The following PTPN14 variants were observed in gnomAD, a reference collection of about 807,000 sequenced individuals.
PTPN14 encodes protein tyrosine phosphatase non-receptor type 14, also known as tyrosine-protein phosphatase non-receptor type 14.
Under a neutral mutation model 126.8 loss-of-function variants are expected in PTPN14, and 53 were observed. The ratio of observed to expected loss-of-function variants is 0.42; its 90% CI spans 0.34 to 0.53. The LOEUF (loss-of-function observed/expected upper bound fraction) is 0.53. PTPN14 is among the 20% of genes least tolerant of loss of function. The probability of loss-of-function intolerance (pLI) is 0.08; values close to 1 mark genes in which losing one functional copy is unlikely to be tolerated. For synonymous variants in PTPN14, 630 were observed against 599.3 expected (o/e 1.05, Z -0.75); for missense variants, 1,257 against 1,552.9 (o/e 0.81, Z 3.20).
chr1:214,373,754 C>T (rs1658276841), intron 15 of PTPN14, among the ~76,000 whole-genome samples: 1 of 152,014 alleles, frequency 6.6e-6, no homozygotes, highest in Non-Finnish European at 1.5e-5. Context: ...CTATCTTTCT[C>T]CTGTGGATCT....
intron 2 of PTPN14, among the ~76,000 whole-genome samples, chr1:214,463,595 G>C (rs1306299482): frequency 6.6e-6 from 1 of 152,182 alleles, no homozygotes; most frequent in East Asian, 1.9e-4. Flanking sequence ...GCAGGAAAGG[G>C]GAGAGGAAGA....
rs183383150 is a variant in PTPN14, at chr1:214,400,307, G to A, written c.669+1378C>T. ...ATCCTTGAGTCACCAGGAATCATGC[G>A]GTCTATAGGTGGTCACCTTAGATAT... On this transcript the variant is annotated intron_variant, in intron 7 of 18. Coordinates refer to ENST00000366956, the MANE Select transcript of PTPN14 (RefSeq NM_005401.5). Among the ~76,000 whole-genome samples the A allele has an allele frequency of 1.4e-3, 213 of 152,256 alleles. 1 individual carries two copies. The highest frequency in any genetic ancestry group is 2.2e-3 in the Non-Finnish European group (152 of 68,024).
At chr1:214,490,909 GAAGGGAAGGAAAGAAAGGAA>G (rs1661224900) in intron 1 of PTPN14, among the ~76,000 whole-genome samples, 1 of 15,292 alleles carries the variant, frequency 6.5e-5, no homozygotes, top group East Asian at 9.1e-4. Context: ...GAAGGGGAAG[GAAGGGAAGGAAAGAAAGGAA>G]GGAAAGAAAG....
intron 1 of PTPN14, among the ~76,000 whole-genome samples, chr1:214,485,265 C>A (rs1466984603): frequency 6.6e-6 from 1 of 152,122 alleles, no homozygotes; most frequent in Non-Finnish European, 1.5e-5. Context: ...TATAAGTGAG[C>A]CTCGTATCTC....
At chr1:214,547,480 C>T (rs1340469252) in intron 1 of PTPN14, among the ~76,000 whole-genome samples, 5 of 152,156 alleles carry the variant, frequency 3.3e-5, no homozygotes, top group Non-Finnish European at 4.4e-5. Context: ...TATGATTTAA[C>T]GTTTGTCAAA....
At chr1:214,503,984 A>T (rs1654769584) in intron 1 of PTPN14, among the ~76,000 whole-genome samples, 1 of 152,150 alleles carries the variant, frequency 6.6e-6, no homozygotes, top group South Asian at 2.1e-4. Context: ...AGTGTGAGAA[A>T]TAGTCAGGAA....
chr1:214,400,829 CA>C (rs1658997546), intron 7 of PTPN14, among the ~76,000 whole-genome samples: 1 of 152,124 alleles, frequency 6.6e-6, no homozygotes, highest in Admixed American at 6.5e-5. Context: ...AAGCTGCGGC[CA>C]CCCTGCTCGA....
chr1:214,392,194 A>G (rs111850497), intron 10 of PTPN14, among the ~76,000 whole-genome samples: 1 of 151,250 alleles, frequency 6.6e-6, no homozygotes, highest in African/African-American at 2.4e-5. Context: ...GAGAGAGAGA[A>G]AGAGAGAGAG....
chr1:214,533,954 A>G (rs950678189), intron 1 of PTPN14, among the ~76,000 whole-genome samples: 1 of 152,158 alleles, frequency 6.6e-6, no homozygotes, highest in Non-Finnish European at 1.5e-5. Context: ...GTATTTTTTA[A>G]TGACTTTCAA....
intron 1 of PTPN14, among the ~76,000 whole-genome samples, chr1:214,466,574 G>A (rs539413789): frequency 1.6e-4 from 25 of 152,192 alleles, no homozygotes; most frequent in Non-Finnish European, 3.4e-4. Context: ...TCCACCCTGA[G>A]CCAGCAATCT....
chr1:214,512,042 C>G (rs1654986516), intron 1 of PTPN14, among the ~76,000 whole-genome samples: 1 of 152,046 alleles, frequency 6.6e-6, no homozygotes, highest in Non-Finnish European at 1.5e-5. Flanking sequence ...TCTCCCAGGG[C>G]TAGTCAATTC....
intron 1 of PTPN14, among the ~76,000 whole-genome samples, chr1:214,506,433 C>T (rs1654845904): frequency 6.6e-6 from 1 of 151,920 alleles, no homozygotes; most frequent in Admixed American, 6.6e-5. Flanking sequence ...GGAAGGACCA[C>T]CTGAGTTGCA....
At chr1:214,437,679 C>T (rs1054172481) in intron 3 of PTPN14, among the ~76,000 whole-genome samples, 10 of 152,156 alleles carry the variant, frequency 6.6e-5, no homozygotes, top group African/African-American at 2.2e-4. Context: ...CCCAGGAAGA[C>T]GCCCACAATT....
intron 7 of PTPN14, among the ~76,000 whole-genome samples, chr1:214,401,481 A>G (rs1480448116): frequency 6.6e-6 from 1 of 152,222 alleles, no homozygotes; most frequent in Non-Finnish European, 1.5e-5. Flanking sequence ...TTATTGAACT[A>G]TTCTGCTGAG....
chr1:214,512,937 C>T (rs375376686), intron 1 of PTPN14, among the ~76,000 whole-genome samples: 4 of 152,034 alleles, frequency 2.6e-5, no homozygotes, highest in East Asian at 3.9e-4. Context: ...TGCGATCTGC[C>T]CGCCTCAGCC....
intron 1 of PTPN14, chr1:214,483,376 C>A: frequency 6.2e-7 from 1 of 1,610,492 alleles, no homozygotes; most frequent in Non-Finnish European, 8.5e-7. Flanking sequence ...AGATTAGGAT[C>A]GCCTTGATCA....
At position 214,527,850 on chromosome 1, in the gene PTPN14, T is replaced by C. The variant is rs569373529; in HGVS notation, c.-155+23333A>G. On this transcript the variant is annotated intron_variant, in intron 1 of 18. Coordinates refer to ENST00000366956, the MANE Select transcript of PTPN14 (RefSeq NM_005401.5). Reference sequence around the variant, plus strand: ...AAATGTTTTTCTCTTCATAGCTTTTTTACTAAAAGTCTGTAAGGAATGTTT... The same window carrying C: ...AAATGTTTTTCTCTTCATAGCTTTTCTACTAAAAGTCTGTAAGGAATGTTT... Among the ~76,000 whole-genome samples, 5 of 152,336 alleles carry C rather than the reference T, an allele frequency of 3.3e-5. 1 individual carries two copies. In the South Asian group the frequency reaches 1.0e-3, roughly 32 times the overall value.
chr1:214,454,645 G>A (rs1278118082), intron 2 of PTPN14, among the ~76,000 whole-genome samples: 1 of 152,160 alleles, frequency 6.6e-6, no homozygotes, highest in African/African-American at 2.4e-5. Context: ...AGAAATGATA[G>A]TAAGGCAATA....
At position 214,402,945 on chromosome 1, in the gene PTPN14, G is replaced by A. The variant is rs745641633; in HGVS notation, c.519C>T (p.Ala173=). Residue 173 remains alanine (A), a synonymous_variant, in exon 6 of 19, where the codon GCC becomes GCT. Transcript: ENST00000366956. ...GCTCCTCCAGAACAGCCTCTTCCAG[G>A]GCCAAATCCTATAAGAATAGAAAGT... ...REYVLFPMDL[A]LEEAVLEELT... 1.4e-5 allele frequency: 23 copies of A among 1,613,780 alleles called. No homozygotes were observed. Among genetic ancestry groups the A allele is most frequent in the Non-Finnish European group, 1.9e-5 (23 of 1,179,940 alleles).
Sources: gnomAD v4.1 joint callset for allele counts (sites outside exome capture counted in the v4.1 genomes callset) on GRCh38, gnomAD v4.1.1 for gene constraint, MANE v1.5 for transcripts, NCBI Gene and HGNC (gene_info 2026-07-23, HGNC 2026-07-21) for gene names.